Variants in CDHR3 observed in about 807,000 individuals in gnomAD.
CDHR3 encodes the protein cadherin related family member 3.
Under a neutral mutation model 86.6 loss-of-function variants are expected in CDHR3, and 79 were observed. That is an observed-to-expected ratio of 0.91 (90% CI 0.76 to 1.10). CDHR3 has a LOEUF of 1.10. Ranked by LOEUF, CDHR3 falls within the 50% of genes least tolerant of loss-of-function variation. The pLI is 0.00. For synonymous variants in CDHR3, 421 were observed against 402.4 expected (o/e 1.05, Z -0.55); for missense variants, 1,081 against 1,077.6 (o/e 1.00, Z -0.04).
chr7:106,013,915 ATATAT>A, intron 9 of CDHR3, among the ~76,000 whole-genome samples: 1 of 152,272 alleles, frequency 6.6e-6, no homozygotes, highest in African/African-American at 2.4e-5. Flanking sequence ...TTTTCTATAG[ATATAT>A]TTTATGTGTA....
chr7:106,017,818 A>T, intron 11 of CDHR3, 28 bp from the exon 12 acceptor site: 1 of 1,526,176 alleles, frequency 6.6e-7, no homozygotes, highest in South Asian at 1.2e-5. Flanking sequence ...TAAAAGCAGG[A>T]CTTATTGCAG....
intron 4 of CDHR3, among the ~76,000 whole-genome samples, chr7:105,992,260 T>C (rs1831471972): frequency 6.6e-6 from 1 of 152,176 alleles, no homozygotes; most frequent in African/African-American, 2.4e-5. Flanking sequence ...GACGCCCTGA[T>C]TCAGGTACAT....
At position 105,996,336 on chromosome 7, in the gene CDHR3, A is replaced by G. The variant is rs779530979; in HGVS notation, c.695A>G (p.Glu232Gly). The G allele has an allele frequency of 6.3e-7, 1 of 1,593,650 alleles. No individual in the cohort carries two copies. The highest frequency in any genetic ancestry group is 8.6e-7 in the Non-Finnish European group (1 of 1,164,398). Residue 232 changes from glutamate (E) to glycine (G), a missense_variant, in exon 6 of 19, where the codon GAA becomes GGA. Glu to Gly is a moderately conservative substitution (Grantham distance 98, BLOSUM62 -2). Coordinates refer to ENST00000317716, the MANE Select transcript of CDHR3 (RefSeq NM_152750.5). ...GTGAACATCGTGAACCTCAACGACG[A>G]AGTCCCTCGCTTTACCAGGTAGGCC... The part of the protein sequence containing the change: ...LQVNIVNLND[E>G]VPRFTSPTRV...
chr7:106,022,932 G>A (rs1424481790), intron 14 of CDHR3, among the ~76,000 whole-genome samples: 5 of 152,002 alleles, frequency 3.3e-5, no homozygotes, highest in South Asian at 4.1e-4. Context: ...CCCCACCTCC[G>A]CTCCAAAAAA....
rs758540953 is a variant in CDHR3, at chr7:106,032,507, G to C, written c.2468G>C (p.Arg823Thr). The C allele has an allele frequency of 3.7e-6, 6 of 1,613,928 alleles. No individual in the cohort carries two copies. The highest frequency in any genetic ancestry group is 1.3e-5 in the African/African-American group (1 of 74,936). ...ESSHQGAAPR[R>T]VTAGEGMGSL... ...AGCCACCAGGGAGCTGCCCCACGCA[G>C]AGTCACTGCTGGGGAAGGGATGGGG... The change falls in exon 19 of 19, where the codon AGA (arginine) becomes ACA (threonine). Residue 823 changes from arginine (R) to threonine (T), a missense_variant. Transcript: ENST00000317716.
chr7:106,015,738 C>A, intron 10 of CDHR3, 189 bp from the exon 11 acceptor site: 1 of 635,508 alleles, frequency 1.6e-6, no homozygotes, highest in Non-Finnish European at 2.9e-6. Flanking sequence ...TTCTGTAGTG[C>A]TCTGTGTGCT....
chr7:105,973,525 G>A (rs887516070), intron 1 of CDHR3, among the ~76,000 whole-genome samples: 9 of 152,100 alleles, frequency 5.9e-5, no homozygotes, highest in South Asian at 2.1e-4. Context: ...TGCATCACTC[G>A]TCTCTGCCTC....
chr7:106,032,681 C>T lies in CDHR3; in HGVS notation c.2642C>T (p.Pro881Leu). The T allele has an allele frequency of 6.2e-7, 1 of 1,611,514 alleles. No homozygotes were observed. Among genetic ancestry groups the T allele is most frequent in the Non-Finnish European group, 8.5e-7 (1 of 1,178,322 alleles). ...TTCATGAACAGGGCTTACCCCAAAC[C>T]ACACCCAGGAAAGTAAACGGGGTCT... Reference protein sequence around the residue: ...PAFMNRAYPKPHPGK With the variant: ...PAFMNRAYPKLHPGK Residue 881 changes from proline to leucine, a missense_variant, in exon 19 of 19, where the codon CCA becomes CTA. By Grantham distance (98) the Pro-to-Leu change is moderately conservative (BLOSUM62 -3). Coordinates refer to ENST00000317716, the MANE Select transcript of CDHR3 (RefSeq NM_152750.5).
At chr7:105,977,849 A>C (rs1829065063) in intron 2 of CDHR3, among the ~76,000 whole-genome samples, 1 of 152,218 alleles carries the variant, frequency 6.6e-6, no homozygotes, top group African/African-American at 2.4e-5. Flanking sequence ...CTGCTTTGGG[A>C]CACAGCTATT....
chr7:106,010,781 G>A (rs7357180), intron 8 of CDHR3, among the ~76,000 whole-genome samples: 3,028 of 152,278 alleles, frequency 0.02, 108 homozygotes, highest in South Asian at 0.17. Context: ...GGCAGAAAAT[G>A]GGGAGAGAGA....
intron 17 of CDHR3, 135 bp downstream of exon 17, chr7:106,028,717 A>G (rs773024599): frequency 4.6e-6 from 4 of 867,622 alleles, no homozygotes; most frequent in Non-Finnish European, 7.2e-6. Flanking sequence ...GGCTACTGGA[A>G]CAGATTGCTG....
intron 8 of CDHR3, among the ~76,000 whole-genome samples, chr7:106,010,463 T>A (rs984010633): frequency 6.6e-6 from 1 of 152,178 alleles, no homozygotes; most frequent in Non-Finnish European, 1.5e-5. Flanking sequence ...CATTGTGCAA[T>A]CAAGGCAGGA....
rs574126693 is a variant in CDHR3 at position 106,028,666 on chromosome 7, C to T, written c.2304+84C>T. On this transcript the variant is annotated intron_variant, in intron 17 of 18. Transcript: ENST00000317716. ...TCCCCCGAAGGCAGGCCTGCCACAG[C>T]CTTGTGGGCATGTTTATCATTCAGG... 3.0e-5 allele frequency: 44 copies of T among 1,443,260 alleles called. No individual in the cohort carries two copies. In the South Asian group the frequency reaches 4.9e-4, roughly 16 times the overall value. 89.4% of individuals were successfully genotyped at this position (1,443,260 alleles called of 1,614,324 possible). A position where few individuals can be genotyped will look rare whatever the true frequency, so the allele number is the denominator to read the frequency against.
At chr7:106,023,248 G>A (rs1337280889) in intron 14 of CDHR3, among the ~76,000 whole-genome samples, 1 of 152,216 alleles carries the variant, frequency 6.6e-6, no homozygotes, top group Non-Finnish European at 1.5e-5. Flanking sequence ...CCGAAGCTCT[G>A]GAGGTGGGGT....
chr7:105,997,635 A>G (rs1430943141), intron 6 of CDHR3, among the ~76,000 whole-genome samples: 2 of 151,958 alleles, frequency 1.3e-5, no homozygotes, highest in East Asian at 3.9e-4. Context: ...GCAGGGCTGG[A>G]GCAGATGCAT....
chr7:105,993,987 T>A (rs1043045446), intron 4 of CDHR3, among the ~76,000 whole-genome samples: 6 of 152,226 alleles, frequency 3.9e-5, no homozygotes, highest in African/African-American at 1.4e-4. Flanking sequence ...GGACTTTCCT[T>A]ATGCCACGTG....
intron 1 of CDHR3, among the ~76,000 whole-genome samples, chr7:105,964,134 C>G (rs1181015635): frequency 1.3e-5 from 2 of 152,088 alleles, no homozygotes; most frequent in Non-Finnish European, 2.9e-5. Flanking sequence ...CTTGAGTCTT[C>G]CTAATCCAAG....
intron 3 of CDHR3, among the ~76,000 whole-genome samples, chr7:105,983,752 G>A (rs1036542958): frequency 1.4e-4 from 21 of 152,098 alleles, no homozygotes; most frequent in Admixed American, 8.5e-4. Flanking sequence ...TCATTTCAAC[G>A]GCTCATTTCT....
chr7:106,028,667 C>T, intron 17 of CDHR3, 85 bp downstream of exon 17: 3 of 1,438,188 alleles, frequency 2.1e-6, no homozygotes, highest in Non-Finnish European at 9.7e-7. Flanking sequence ...CTGCCACAGC[C>T]TTGTGGGCAT....
Sources: allele counts gnomAD v4.1 joint callset (sites outside exome capture counted in the v4.1 genomes callset), GRCh38; gene constraint gnomAD v4.1.1; transcripts MANE v1.5; gene names NCBI Gene and HGNC (gene_info 2026-07-23, HGNC 2026-07-21).